The following EPG5 variants were observed in gnomAD, a reference collection of about 807,000 sequenced individuals.
The protein encoded by EPG5 is ectopic P-granules 5 autophagy tethering factor, also known as ectopic P granules protein 5 homolog.
In EPG5, 159 loss-of-function variants were observed where a neutral mutation model predicts 302.7. The observed-to-expected ratio is 0.53, with a 90% CI of 0.46 to 0.60. The LOEUF is 0.60. Ranked by LOEUF, EPG5 falls within the 20% of genes least tolerant of loss-of-function variation. The pLI, the probability that EPG5 is intolerant of heterozygous loss-of-function variation, is 0.00. For synonymous variants in EPG5, 1,158 were observed against 1,136.8 expected, an observed-to-expected ratio of 1.02 and a Z score of -0.37; for missense variants, 2,896 against 3,092.4, an observed-to-expected ratio of 0.94 and a Z score of 1.51.
chr18:45,836,817 AG>A, the EPG5 span, among the ~76,000 whole-genome samples: 1 of 152,230 alleles, frequency 6.6e-6, no homozygotes, highest in Admixed American at 6.5e-5. Flanking sequence ...GCCCCCTCGC[AG>A]GGGCTGTTTC....
chr18:45,896,237 T>C (rs903318893), intron 27 of EPG5, among the ~76,000 whole-genome samples: 5 of 152,224 alleles, frequency 3.3e-5, no homozygotes, highest in Non-Finnish European at 4.4e-5. Context: ...AAATCTGCGT[T>C]ATCAGGCAAA....
At chr18:45,929,125 A>T in intron 12 of EPG5, 116 bp from the exon 13 acceptor site, 1 of 1,079,546 alleles carries the variant, frequency 9.3e-7, no homozygotes, top group Non-Finnish European at 1.3e-6. Context: ...GCCTTAATTG[A>T]CACTATGTTC....
At chr18:45,933,161 C>CATTG (rs757226458) in intron 11 of EPG5, among the ~76,000 whole-genome samples, 22 of 152,218 alleles carry the variant, frequency 1.4e-4, no homozygotes, top group Non-Finnish European at 2.9e-4. Context: ...GCTGTGAGAC[C>CATTG]TCTCACCTAG....
intron 39 of EPG5, among the ~76,000 whole-genome samples, chr18:45,864,252 T>C (rs550820001): frequency 1.2e-3 from 185 of 152,288 alleles, no homozygotes; most frequent in African/African-American, 4.1e-3. Flanking sequence ...CAGCTCACTT[T>C]TACGTTCCTT....
chr18:45,876,467 A>G, intron 34 of EPG5, 125 bp from the exon 35 acceptor site: 2 of 668,108 alleles, frequency 3.0e-6, no homozygotes. Context: ...ACACATTTAG[A>G]ATACTTAAAA....
rs2049037342 is a variant in EPG5 at position 45,879,193 on chromosome 18, G to A, written c.5689C>T (p.Leu1897Phe). The change falls in exon 33 of 44, where the codon CTT (leucine) becomes TTT (phenylalanine). Residue 1897 changes from leucine (L) to phenylalanine (F), a missense_variant. This residue lies in a region of EPG5 where 790 missense variants were observed against 798.0 expected (regional missense o/e 0.99). Transcript: ENST00000282041. ...DKQVMETIQW[L>F]SDFFYKLRLS... Reference sequence around the variant, plus strand: ...CGAAGCTTATAAAAAAAGTCTGAAAGCCACTGTATAGTCTCCATTACCTGG... The same window carrying A: ...CGAAGCTTATAAAAAAAGTCTGAAAACCACTGTATAGTCTCCATTACCTGG... The A allele has an allele frequency of 6.2e-7, 1 of 1,613,282 alleles. No individual in the cohort carries two copies. Among genetic ancestry groups the A allele is most frequent in the Non-Finnish European group, 8.5e-7 (1 of 1,179,844 alleles).
chr18:45,828,437 G>T, the EPG5 span, among the ~76,000 whole-genome samples: 3 of 152,138 alleles, frequency 2.0e-5, no homozygotes, highest in Non-Finnish European at 4.4e-5. Context: ...AGCTAGAGAT[G>T]CCAGGGAACG....
the EPG5 span, chr18:45,837,178 T>C: frequency 6.4e-7 from 1 of 1,559,584 alleles, no homozygotes. Context: ...GGGCAGGTTT[T>C]GATGGGGAAA....
chr18:45,965,455 G>C (rs2051227630), intron 1 of EPG5, among the ~76,000 whole-genome samples: 1 of 151,832 alleles, frequency 6.6e-6, no homozygotes, highest in South Asian at 2.1e-4. Context: ...TAAAATAAAA[G>C]TTGGAAAGAA....
chr18:45,897,867 G>A (rs1449770573), intron 27 of EPG5, among the ~76,000 whole-genome samples: 1 of 151,996 alleles, frequency 6.6e-6, no homozygotes, highest in Admixed American at 6.6e-5. Flanking sequence ...ATGAAAATTA[G>A]CAAAAAAAGA....
chr18:45,915,434 A>T, intron 20 of EPG5, 77 bp downstream of exon 20: 1 of 1,022,350 alleles, frequency 9.8e-7, no homozygotes, highest in Non-Finnish European at 1.5e-6. Flanking sequence ...TTAGACAATT[A>T]GTAATTTCTT....
chr18:45,938,289 C>T (rs189792742), intron 10 of EPG5, among the ~76,000 whole-genome samples: 13 of 152,050 alleles, frequency 8.5e-5, no homozygotes, highest in African/African-American at 2.7e-4. Context: ...GGTGAAACCC[C>T]GTCTCTACTA....
At chr18:45,827,771 G>C in the EPG5 span, among the ~76,000 whole-genome samples, 1 of 152,212 alleles carries the variant, frequency 6.6e-6, no homozygotes, top group Admixed American at 6.5e-5. Context: ...AGAGAGCCGA[G>C]GCTTTGGGGA....
chr18:45,938,905 G>A (rs577108444), intron 10 of EPG5, among the ~76,000 whole-genome samples: 1 of 152,306 alleles, frequency 6.6e-6, no homozygotes, highest in East Asian at 1.9e-4. Flanking sequence ...AGCTAGCTCA[G>A]GAGAGGGCCA....
Position 45,967,205 on chromosome 18 carries a change from T to TTGGCCC in EPG5, c.29_34dup (p.Arg10_Ala11dup), listed in dbSNP as rs2051286087. 3.7e-6 allele frequency: 6 copies of TTGGCCC among 1,605,816 alleles called. No individual in the cohort carries two copies. The highest frequency in any genetic ancestry group is 3.4e-5 in the Admixed American group (2 of 59,096). On this transcript the variant is annotated inframe_insertion, in exon 1 of 44. Coordinates refer to ENST00000282041, the MANE Select transcript of EPG5 (RefSeq NM_020964.3). ...TGTTTTAGTCCGGCTGGCCTTGGCC[T>TTGGCCC]TGGCCCGGCGCTGGGGCTTCACCGC...
At chr18:45,824,658 A>T in the EPG5 span, among the ~76,000 whole-genome samples, 1 of 152,206 alleles carries the variant, frequency 6.6e-6, no homozygotes, top group Non-Finnish European at 1.5e-5. Context: ...GGCACGGCCA[A>T]AGGGAGGAGG....
intron 16 of EPG5, among the ~76,000 whole-genome samples, chr18:45,920,365 G>C (rs1412149294): frequency 1.3e-5 from 2 of 152,194 alleles, no homozygotes; most frequent in African/African-American, 4.8e-5. Context: ...GTAACTGTGG[G>C]CACTAAGTAA....
At chr18:45,924,833 C>A (rs1176778596) in intron 14 of EPG5, among the ~76,000 whole-genome samples, 1 of 152,122 alleles carries the variant, frequency 6.6e-6, no homozygotes, top group Non-Finnish European at 1.5e-5. Flanking sequence ...TCTCTTAAGC[C>A]CAGGAGTTCA....
chr18:45,825,922 C>T, the EPG5 span: 1 of 950,282 alleles, frequency 1.1e-6, no homozygotes, highest in East Asian at 2.6e-5. Context: ...GCGCTTGGGG[C>T]CTGTGGTGCC....
Sources: allele counts gnomAD v4.1 joint callset (sites outside exome capture counted in the v4.1 genomes callset), GRCh38; gene constraint gnomAD v4.1.1; regional missense constraint gnomAD v4.1.1; transcripts MANE v1.5; gene names NCBI Gene and HGNC (gene_info 2026-07-23, HGNC 2026-07-21).